The following ARHGAP29 variants were observed in gnomAD, a reference collection of about 807,000 sequenced individuals.
The protein encoded by ARHGAP29 is Rho GTPase activating protein 29.
In ARHGAP29, 43 loss-of-function variants were observed where a neutral mutation model predicts 122.6. That is an observed-to-expected ratio of 0.35 (90% confidence interval 0.27 to 0.45). The LOEUF (loss-of-function observed/expected upper bound fraction) is 0.45. Among genes scored for constraint, ARHGAP29 ranks in the 20% least tolerant of loss-of-function variants. The pLI is 1.00. For missense variants in ARHGAP29, 1,303 were observed against 1,477.2 expected, an observed-to-expected ratio of 0.88 and a Z score of 1.93; for synonymous variants, 506 against 497.1, an observed-to-expected ratio of 1.02 and a Z score of -0.24.
At position 94,184,137 on chromosome 1, in the gene ARHGAP29, G is replaced by A; in HGVS notation, c.2247+14C>T. 6.2e-7 allele frequency: 1 copy of A among 1,601,090 alleles called. No homozygotes were observed. Among genetic ancestry groups the A allele is most frequent in the Non-Finnish European group, 8.5e-7 (1 of 1,176,692 alleles). On this transcript the variant is annotated intron_variant, in intron 19 of 22. Transcript: ENST00000260526. Reference sequence around the variant, plus strand: ...TTTAATTTAATGGTGGGTTTCAAGGGTAAAAATTTTTACCTGCCGAAGGTA... The same window carrying A: ...TTTAATTTAATGGTGGGTTTCAAGGATAAAAATTTTTACCTGCCGAAGGTA...
In ARHGAP29 at chr1:94,210,627, G is replaced by A. The variant is rs559403898; in HGVS notation, c.341-1277C>T. ...CAAACAAAAAGAAAAAGTTACCATT[G>A]CGAATATGGTTCTTAAATAATGGGC... On this transcript the variant is annotated intron_variant, in intron 3 of 22. Transcript: ENST00000260526. Among the ~76,000 whole-genome samples, 55 of 152,284 alleles carry A rather than the reference G, an allele frequency of 3.6e-4. 1 individual carries two copies. In the South Asian group the frequency reaches 0.011, roughly 30 times the overall value.
the ARHGAP29 span, among the ~76,000 whole-genome samples, chr1:94,281,944 C>T: frequency 6.6e-6 from 1 of 152,126 alleles, no homozygotes; most frequent in South Asian, 2.1e-4. Context: ...TCAGTATCTA[C>T]CACGGCATGC....
chr1:94,285,828 T>A, the ARHGAP29 span, among the ~76,000 whole-genome samples: 1 of 145,928 alleles, frequency 6.9e-6, no homozygotes, highest in Non-Finnish European at 1.5e-5. Context: ...TGAGCCAAGA[T>A]TGCGCCACTA....
At chr1:94,215,335 C>A (rs917941217) in intron 3 of ARHGAP29, among the ~76,000 whole-genome samples, 20 of 150,190 alleles carry the variant, frequency 1.3e-4, no homozygotes, top group Admixed American at 1.3e-4. Flanking sequence ...AAAAAAAAAA[C>A]CAGTAGATAT....
At chr1:94,277,057 A>G (rs1655219243), upstream of ARHGAP29, among the ~76,000 whole-genome samples, 1 of 152,160 alleles carries the variant, frequency 6.6e-6, no homozygotes, top group Admixed American at 6.5e-5. Context: ...GAATACTGCA[A>G]AGGAAAACAG....
Position 94,203,107 on chromosome 1 carries a change from A to C in ARHGAP29, c.866T>G (p.Phe289Cys). ...ATATAAATTAATCTTTACCTGCACA[A>C]ATTTGTTAGCCTGGAGAGCTGCAAT... ...QTIAALQANK[F>C]VQPLLGRKNE... is the part of the protein sequence containing the mutation. Residue 289 changes from phenylalanine (F) to cysteine (C), a missense_variant, in exon 9 of 23, where the codon TTT becomes TGT. Phe to Cys is a radical substitution (Grantham distance 205). Around this residue, in one of 3 missense-constraint regions of ARHGAP29, gnomAD observed 592 missense variants for 648.2 expected, o/e 0.91. Transcript: ENST00000260526. 6.2e-7 allele frequency: 1 copy of C among 1,610,494 alleles called. No homozygotes were observed. Among genetic ancestry groups the C allele is most frequent in the Non-Finnish European group, 8.5e-7 (1 of 1,178,674 alleles).
At chr1:94,195,588 T>G (rs77407213) in intron 12 of ARHGAP29, 2 of 151,822 alleles carry the variant, frequency 1.3e-5, no homozygotes, top group African/African-American at 4.8e-5. Context: ...AAAAGGGAAA[T>G]AGATTAAGGA....
At position 94,231,556 on chromosome 1, in the gene ARHGAP29, T is replaced by A. The variant is rs1448143654; in HGVS notation, c.56A>T (p.Gln19Leu). ...TKKKRAWASG[Q>L]LSTDITTSEM... ...AGAAGTTGTAATATCAGTAGAGAGTTGACCTGATGCCCAAGCACGTTTTTT... is the reference window on the plus strand; with the variant it reads ...AGAAGTTGTAATATCAGTAGAGAGTAGACCTGATGCCCAAGCACGTTTTTT... The change falls in exon 2 of 23, where the codon CAA becomes CTA. Residue 19 changes from glutamine (Q) to leucine (L), a missense_variant. Physicochemically the swap from Gln to Leu is moderately radical, Grantham distance 113. Around this residue, in one of 3 missense-constraint regions of ARHGAP29, gnomAD observed 592 missense variants for 648.2 expected, o/e 0.91. Transcript: ENST00000260526. 6.2e-7 allele frequency: 1 copy of A among 1,613,810 alleles called. No homozygotes were observed. Among genetic ancestry groups the A allele is most frequent in the East Asian group, 2.2e-5 (1 of 44,836 alleles).
At chr1:94,210,904 T>TA (rs34160965) in intron 3 of ARHGAP29, among the ~76,000 whole-genome samples, 72 of 140,090 alleles carry the variant, frequency 5.1e-4, no homozygotes, top group South Asian at 3.7e-3. Flanking sequence ...GTTTCTTATT[T>TA]AAAAAAAAAA....
At chr1:94,281,956 G>T in the ARHGAP29 span, among the ~76,000 whole-genome samples, 1 of 152,170 alleles carries the variant, frequency 6.6e-6, no homozygotes. Flanking sequence ...ACGGCATGCT[G>T]TAGGTGTGAG....
chr1:94,250,467 G>C (rs1295628448), intron 1 of ARHGAP29: 1 of 152,200 alleles, frequency 6.6e-6, no homozygotes, highest in Non-Finnish European at 1.5e-5. Context: ...GCAGTCCTTG[G>C]ACTCCCTGGA....
chr1:94,276,766 G>GT (rs1370629545), upstream of ARHGAP29, among the ~76,000 whole-genome samples: 1 of 109,932 alleles, frequency 9.1e-6, no homozygotes, highest in Non-Finnish European at 1.7e-5. Context: ...GGGTGACAGA[G>GT]TGAGACCCTG....
chr1:94,288,479 A>G, the ARHGAP29 span, among the ~76,000 whole-genome samples: 2 of 152,068 alleles, frequency 1.3e-5, no homozygotes, highest in Non-Finnish European at 2.9e-5. Context: ...TTTCTTTTGC[A>G]GTGCAGAAGC....
chr1:94,303,430 G>A, the ARHGAP29 span, among the ~76,000 whole-genome samples: 1 of 152,182 alleles, frequency 6.6e-6, no homozygotes, highest in East Asian at 1.9e-4. Flanking sequence ...TGGGCAGTTA[G>A]TGTTTAATGG....
At chr1:94,285,135 C>T in the ARHGAP29 span, among the ~76,000 whole-genome samples, 3 of 152,132 alleles carry the variant, frequency 2.0e-5, no homozygotes, top group Non-Finnish European at 2.9e-5. Flanking sequence ...GATTGTCTTC[C>T]AGCTGTTCAT....
chr1:94,238,339 G>A (rs1479768375), upstream of ARHGAP29, among the ~76,000 whole-genome samples: 5 of 151,946 alleles, frequency 3.3e-5, no homozygotes, highest in Non-Finnish European at 5.9e-5. Flanking sequence ...AAAGTACTGG[G>A]ATTACAAGCA....
the ARHGAP29 span, among the ~76,000 whole-genome samples, chr1:94,303,853 T>C: frequency 4.6e-5 from 7 of 152,212 alleles, no homozygotes; most frequent in Non-Finnish European, 7.3e-5. Flanking sequence ...TATTTTCTAT[T>C]ATGCCATGTT....
intron 12 of ARHGAP29, chr1:94,194,554 C>A (rs1300585844): frequency 6.6e-6 from 1 of 151,174 alleles, no homozygotes; most frequent in Non-Finnish European, 1.5e-5. Context: ...GTGTGGGCCC[C>A]AATTCCTGAT....
chr1:94,289,176 T>C, the ARHGAP29 span, among the ~76,000 whole-genome samples: 1 of 152,192 alleles, frequency 6.6e-6, no homozygotes, highest in Non-Finnish European at 1.5e-5. Flanking sequence ...GAGCAGTGGT[T>C]TGTAGTTCTC....
Sources: gnomAD v4.1 joint callset for allele counts (sites outside exome capture counted in the v4.1 genomes callset) on GRCh38, gnomAD v4.1.1 for gene constraint, gnomAD v4.1.1 regional missense constraint, MANE v1.5 for transcripts, NCBI Gene and HGNC (gene_info 2026-07-23, HGNC 2026-07-21) for gene names.